The following ATP9B variants were observed in gnomAD, a reference collection of about 807,000 sequenced individuals.
ATP9B encodes probable phospholipid-transporting ATPase IIB.
In ATP9B, 110 loss-of-function variants were observed where a neutral mutation model predicts 146.1. That is an observed-to-expected ratio of 0.75 (90% CI 0.65 to 0.88). The LOEUF (loss-of-function observed/expected upper bound fraction) is 0.88, where lower values mean the gene tolerates loss of function less well. Among genes scored for constraint, ATP9B ranks in the 40% least tolerant of loss-of-function variants. The pLI, the probability that ATP9B is intolerant of heterozygous loss-of-function variation, is 0.00. For synonymous variants in ATP9B, 604 were observed against 569.7 expected, an observed-to-expected ratio of 1.06 and a Z score of -0.86; for missense variants, 1,499 against 1,496.4, an observed-to-expected ratio of 1.00 and a Z score of -0.03.
intron 13 of ATP9B, among the ~76,000 whole-genome samples, chr18:79,292,563 C>A (rs1253608728): frequency 6.6e-6 from 1 of 151,756 alleles, no homozygotes; most frequent in Admixed American, 6.6e-5. Flanking sequence ...CATAAATTGG[C>A]AAGCTGATTC....
At position 79,104,927 on chromosome 18, in the gene ATP9B, G is replaced by C. The variant is rs570702632; in HGVS notation, c.294-5428G>C. 4.6e-5 allele frequency among the ~76,000 whole-genome samples: 7 copies of C among 152,054 alleles called. No individual in the cohort carries two copies. The South Asian group carries it at 1.2e-3, about 27-fold the overall frequency. On this transcript the variant is annotated intron_variant, in intron 2 of 29. Coordinates refer to ENST00000426216, the MANE Select transcript of ATP9B (RefSeq NM_198531.5). ...CCCGGCTAATTTTTTTATTTTTATAGAGGCAGGGTCTTTCTATGTTGTCTA... is the reference window on the plus strand; with the variant it reads ...CCCGGCTAATTTTTTTATTTTTATACAGGCAGGGTCTTTCTATGTTGTCTA...
intron 3 of ATP9B, among the ~76,000 whole-genome samples, chr18:79,112,676 G>A (rs11872964): frequency 0.043 from 6,472 of 151,784 alleles, 463 homozygotes; most frequent in African/African-American, 0.15. Flanking sequence ...AGTCTATCTC[G>A]TGAAGTTACA....
intron 29 of ATP9B, chr18:79,376,088 C>T (rs1039769574): frequency 8.1e-6 from 8 of 984,234 alleles, no homozygotes; most frequent in Admixed American, 6.2e-5. Context: ...AAGAGCAGAC[C>T]GGTCTGAGTA....
chr18:79,100,733 C>T (rs1263952822), intron 2 of ATP9B, among the ~76,000 whole-genome samples: 1 of 152,142 alleles, frequency 6.6e-6, no homozygotes, highest in Non-Finnish European at 1.5e-5. Context: ...GAAAGAGGTT[C>T]AGTTAGACTC....
Position 79,377,103 on chromosome 18 carries a change from G to C in ATP9B, c.3308-144G>C, listed in dbSNP as rs115725078. 2,984 of 911,990 alleles carry C rather than the reference G, an allele frequency of 3.3e-3. 61 individuals are homozygous for C. The African/African-American group carries it at 0.044, about 13-fold the overall frequency. 56.5% of individuals were successfully genotyped at this position (911,990 alleles called of 1,614,324 possible). On this transcript the variant is annotated intron_variant, in intron 29 of 29. Transcript: ENST00000426216. ...CTGCAGTCAAGAAAACCTGAGATTT[G>C]GAGCTGGGCCCCTGTAAATGCACAG...
At chr18:79,337,186 CCTCT>C (rs1176917931) in intron 18 of ATP9B, 89 bp from the exon 19 acceptor site, 6 of 1,435,112 alleles carry the variant, frequency 4.2e-6, no homozygotes, top group East Asian at 4.5e-5. Context: ...GTCACCTCCC[CCTCT>C]GTCCCCACAG....
intron 11 of ATP9B, among the ~76,000 whole-genome samples, chr18:79,243,135 C>T (rs1425598643): frequency 1.3e-5 from 2 of 152,156 alleles, no homozygotes; most frequent in East Asian, 3.9e-4. Flanking sequence ...AAAATTAAAA[C>T]GTTTACCTAT....
intron 19 of ATP9B, among the ~76,000 whole-genome samples, chr18:79,341,401 C>T (rs74577590): frequency 3.7e-5 from 4 of 107,068 alleles, no homozygotes; most frequent in African/African-American, 7.4e-5. Flanking sequence ...CTCGTTGAAG[C>T]CTGTGTTGCC....
At chr18:79,256,927 A>G (rs1024868948) in intron 12 of ATP9B, among the ~76,000 whole-genome samples, 7 of 152,238 alleles carry the variant, frequency 4.6e-5, no homozygotes, top group African/African-American at 1.7e-4. Flanking sequence ...AATTTCATTT[A>G]CAGAAGAATA....
chr18:79,167,750 C>A (rs533440689), intron 7 of ATP9B, among the ~76,000 whole-genome samples: 1 of 152,310 alleles, frequency 6.6e-6, no homozygotes, highest in Admixed American at 6.5e-5. Flanking sequence ...TCCTCACTTC[C>A]GGCAGTGGAC....
intron 12 of ATP9B, among the ~76,000 whole-genome samples, chr18:79,269,332 C>G (rs1199929152): frequency 2.0e-5 from 3 of 152,168 alleles, no homozygotes; most frequent in Non-Finnish European, 4.4e-5. Context: ...CCTCACTGAC[C>G]TGTCCAACAA....
chr18:79,076,759 T>C (rs555065174), intron 1 of ATP9B, among the ~76,000 whole-genome samples: 8 of 152,286 alleles, frequency 5.3e-5, no homozygotes, highest in Non-Finnish European at 1.0e-4. Flanking sequence ...TCTCCGTCCC[T>C]TCTTTTACCC....
At chr18:79,232,814 A>G (rs1420401019) in intron 11 of ATP9B, among the ~76,000 whole-genome samples, 2 of 152,238 alleles carry the variant, frequency 1.3e-5, no homozygotes, top group Non-Finnish European at 2.9e-5. Context: ...CGAGAAACCA[A>G]AATGATGGTA....
At chr18:79,227,575 A>G (rs916122888) in intron 11 of ATP9B, among the ~76,000 whole-genome samples, 4 of 152,186 alleles carry the variant, frequency 2.6e-5, no homozygotes, top group African/African-American at 4.8e-5. Flanking sequence ...TTGTTTCCAC[A>G]TTGTAACTCC....
At chr18:79,193,029 TCTA>T (rs1453676032) in intron 8 of ATP9B, among the ~76,000 whole-genome samples, 151 bp from the exon 9 acceptor site, 1 of 152,234 alleles carries the variant, frequency 6.6e-6, no homozygotes, top group African/African-American at 2.4e-5. Flanking sequence ...TATCTGACAT[TCTA>T]ATTTATAGTG....
Position 79,206,976 on chromosome 18 carries a change from G to T in ATP9B, c.994G>T (p.Glu332Ter). 1 of 1,614,098 alleles carries T rather than the reference G, an allele frequency of 6.2e-7. No individual in the cohort carries two copies. Among genetic ancestry groups the T allele is most frequent in the South Asian group, 1.1e-5 (1 of 91,074 alleles). Residue 332 changes from glutamate (E) to a stop codon, truncating the protein, a stop_gained, in exon 10 of 30, where the codon GAA becomes TAA. Transcript: ENST00000426216. LOFTEE classifies it high-confidence loss of function. ...DPPIHESLSI[E>*]NTLWASTIVA... ...GCCCATTCATGAAAGTCTCAGCATA[G>T]AAAATACATTGTGGGCAAGCACCAT...
chr18:79,149,101 C>T (rs1013452803), intron 6 of ATP9B, among the ~76,000 whole-genome samples: 2 of 152,168 alleles, frequency 1.3e-5, no homozygotes, highest in South Asian at 2.1e-4. Flanking sequence ...TTGTTTTGTA[C>T]ACTTAATACC....
At position 79,342,335 on chromosome 18, in the gene ATP9B, C is replaced by A; in HGVS notation, c.2351C>A (p.Ser784Tyr). ...ATTGCCAAAAGTTCACATCTCGTGTCTAGAACACAAGATATTCATATTTTC... is the reference window on the plus strand; with the variant it reads ...ATTGCCAAAAGTTCACATCTCGTGTATAGAACACAAGATATTCATATTTTC... ...TCIAKSSHLV[S>Y]RTQDIHIFRQ... The change falls in exon 20 of 30, where the codon TCT becomes TAT. Residue 784 changes from serine to tyrosine, a missense_variant. Ser to Tyr is a moderately radical substitution (Grantham distance 144, BLOSUM62 -2). Coordinates refer to ENST00000426216, the MANE Select transcript of ATP9B (RefSeq NM_198531.5). The A allele has an allele frequency of 6.2e-7, 1 of 1,613,172 alleles. No individual in the cohort carries two copies. Among genetic ancestry groups the A allele is most frequent in the South Asian group, 1.1e-5 (1 of 91,034 alleles).
intron 11 of ATP9B, among the ~76,000 whole-genome samples, chr18:79,252,667 C>T (rs944054988): frequency 6.6e-6 from 1 of 152,156 alleles, no homozygotes; most frequent in Non-Finnish European, 1.5e-5. Context: ...ACATAATTTG[C>T]CCTCACAGTT....
Sources: allele counts gnomAD v4.1 joint callset (sites outside exome capture counted in the v4.1 genomes callset), GRCh38; gene constraint gnomAD v4.1.1; transcripts MANE v1.5; gene names NCBI Gene and HGNC (gene_info 2026-07-23, HGNC 2026-07-21).